Variants in HAO1 observed in about 807,000 individuals in gnomAD.
HAO1 encodes 2-Hydroxyacid oxidase 1.
A neutral mutation model predicts 39.7 loss-of-function variants in HAO1; 34 were observed. That is an observed-to-expected ratio of 0.86 (90% CI 0.65 to 1.14). HAO1 has a LOEUF of 1.14. HAO1 is among the 50% of genes most tolerant of loss of function. HAO1 has a pLI of 0.00. For synonymous variants in HAO1, 172 were observed against 173.2 expected (o/e 0.99, Z 0.05); for missense variants, 479 against 464.5 (o/e 1.03, Z -0.29).
rs150280686 is a variant in HAO1 at position 7,924,998 on chromosome 20, T to C, written c.289+9486A>G. Among the ~76,000 whole-genome samples, 156 of 152,298 alleles carry C rather than the reference T, an allele frequency of 1.0e-3. 2 individuals carry two copies. The East Asian group carries it at 0.018, about 18-fold the overall frequency. ...AGGGCCTGTCATAGTGAAGTGTTTGTATAACTGTGCACCATAATGTCCATT... is the reference window on the plus strand; with the variant it reads ...AGGGCCTGTCATAGTGAAGTGTTTGCATAACTGTGCACCATAATGTCCATT... On this transcript the variant is annotated intron_variant, in intron 2 of 7. Coordinates refer to ENST00000378789, the MANE Select transcript of HAO1 (RefSeq NM_017545.3).
At chr20:7,918,631 C>T (rs986047177) in intron 2 of HAO1, among the ~76,000 whole-genome samples, 1 of 152,138 alleles carries the variant, frequency 6.6e-6, no homozygotes, top group Non-Finnish European at 1.5e-5. Context: ...GGGCATCCAC[C>T]CTGTTAGAGC....
At chr20:7,914,126 C>T (rs2050294387) in intron 3 of HAO1, 38 bp downstream of exon 3, 1 of 1,609,418 alleles carries the variant, frequency 6.2e-7, no homozygotes, top group African/African-American at 1.3e-5. Context: ...GTCAAGATCC[C>T]TTTCGCCTCA....
In HAO1 at chr20:7,883,388, C is replaced by T; in HGVS notation, c.*205G>A. On this transcript the variant is annotated 3_prime_UTR_variant, in exon 8 of 8. Coordinates refer to ENST00000378789, the MANE Select transcript of HAO1 (RefSeq NM_017545.3). ...TTAATATATTTCCAGGATGAAAGTCCATTTCTTTCTAAAAGGTTCCTAGGA... is the reference window on the plus strand; with the variant it reads ...TTAATATATTTCCAGGATGAAAGTCTATTTCTTTCTAAAAGGTTCCTAGGA... 3.6e-6 allele frequency: 2 copies of T among 548,130 alleles called. No individual in the cohort carries two copies. The highest frequency in any genetic ancestry group is 6.5e-6 in the Non-Finnish European group (2 of 305,694). 34.0% of individuals were successfully genotyped at this position (548,130 alleles called of 1,614,324 possible).
chr20:7,906,893 C>T (rs746617359), intron 3 of HAO1, among the ~76,000 whole-genome samples: 3 of 152,194 alleles, frequency 2.0e-5, no homozygotes, highest in Non-Finnish European at 4.4e-5. Context: ...AACTGGGTCC[C>T]TTGACTTCAT....
chr20:7,912,927 A>G (rs2050286939), intron 3 of HAO1, among the ~76,000 whole-genome samples: 1 of 152,210 alleles, frequency 6.6e-6, no homozygotes, highest in Non-Finnish European at 1.5e-5. Flanking sequence ...TTTTATGCAC[A>G]GTAGTTTATT....
At chr20:7,917,312 C>T (rs1350908664) in intron 2 of HAO1, among the ~76,000 whole-genome samples, 1 of 147,628 alleles carries the variant, frequency 6.8e-6, no homozygotes, top group East Asian at 2.0e-4. Flanking sequence ...TGTACTCCAG[C>T]CTGGATGACA....
chr20:7,914,998 TA>T (rs1206135524), intron 2 of HAO1, among the ~76,000 whole-genome samples: 1 of 152,126 alleles, frequency 6.6e-6, no homozygotes, highest in Non-Finnish European at 1.5e-5. Flanking sequence ...TGGGCGCCTG[TA>T]GTCCCAGCTA....
At chr20:7,898,320 A>G (rs2050206544) in intron 4 of HAO1, among the ~76,000 whole-genome samples, 1 of 152,154 alleles carries the variant, frequency 6.6e-6, no homozygotes, top group Non-Finnish European at 1.5e-5. Context: ...CTGAAAGCCT[A>G]TCTCAAGGTA....
At chr20:7,893,859 G>A (rs2050184942) in intron 5 of HAO1, among the ~76,000 whole-genome samples, 1 of 152,136 alleles carries the variant, frequency 6.6e-6, no homozygotes, top group Admixed American at 6.5e-5. Flanking sequence ...TCCCCGTCTT[G>A]ATAAATTGGC....
At chr20:7,919,955 C>T (rs991902679) in intron 2 of HAO1, among the ~76,000 whole-genome samples, 1 of 152,056 alleles carries the variant, frequency 6.6e-6, no homozygotes, top group African/African-American at 2.4e-5. Flanking sequence ...ATGTTTTGAT[C>T]TATGTATACA....
At chr20:7,923,407 T>C (rs779069134) in intron 2 of HAO1, among the ~76,000 whole-genome samples, 5 of 152,142 alleles carry the variant, frequency 3.3e-5, no homozygotes, top group Non-Finnish European at 7.4e-5. Context: ...GAAGCAAAAA[T>C]AGGAAATCCA....
chr20:7,906,360 T>A (rs775594099), intron 3 of HAO1, 31 bp from the exon 4 acceptor site: 1 of 1,323,270 alleles, frequency 7.6e-7, no homozygotes, highest in Non-Finnish European at 1.1e-6. Context: ...AATGAGAAAT[T>A]TGCCAAATTA....
chr20:7,921,301 G>T (rs2050331349), intron 2 of HAO1, among the ~76,000 whole-genome samples: 1 of 152,028 alleles, frequency 6.6e-6, no homozygotes, highest in Admixed American at 6.6e-5. Context: ...AAGGACATTT[G>T]CAGATACTTC....
chr20:7,940,344 A>G lies in HAO1; in HGVS notation c.79T>C (p.Tyr27His), dbSNP rs753091284. 6.2e-7 allele frequency: 1 copy of G among 1,611,764 alleles called. No individual in the cohort carries two copies. Among genetic ancestry groups the G allele is most frequent in the Non-Finnish European group, 8.5e-7 (1 of 1,178,446 alleles). The change falls in exon 1 of 8, where the codon TAC becomes CAC. Residue 27 changes from tyrosine to histidine, a missense_variant. Physicochemically the swap from Tyr to His is moderately conservative, Grantham distance 83. Coordinates refer to ENST00000378789, the MANE Select transcript of HAO1 (RefSeq NM_017545.3). ...SVLPKSIYDY[Y>H]RSGANDEETL... ...TCTTCATCATTTGCCCCAGACCTGT[A>G]ATAGTCATATATAGACTTTGGAAGT...
rs1488600763 is a variant in HAO1 at position 7,940,379 on chromosome 20, G to A, written c.44C>T (p.Ala15Val). 5 of 1,611,860 alleles carry A rather than the reference G, an allele frequency of 3.1e-6. No individual in the cohort carries two copies. The Admixed American group carries it at 5.0e-5, about 16-fold the overall frequency. The change falls in exon 1 of 8, where the codon GCT (alanine) becomes GTT (valine). Residue 15 changes from alanine (A) to valine (V), a missense_variant. Transcript: ENST00000378789. ...TATAGACTTTGGAAGTACTGATTTA[G>A]CATGTTGTTCATAATCATTGATACA... ...LICINDYEQH[A>V]KSVLPKSIYD...
At chr20:7,937,148 G>A (rs2254801) in intron 1 of HAO1, among the ~76,000 whole-genome samples, 87,468 of 151,892 alleles carry the variant, frequency 0.58, 29,095 homozygotes, top group East Asian at 0.99. Context: ...ACATCTAACA[G>A]GGGCCTCAAA....
chr20:7,929,896 C>T (rs1446637663), intron 2 of HAO1, among the ~76,000 whole-genome samples: 2 of 152,172 alleles, frequency 1.3e-5, no homozygotes, highest in Admixed American at 1.3e-4. Flanking sequence ...TTCTCGGTCC[C>T]AGTTAATAAG....
chr20:7,892,413 T>C (rs2050178359), intron 5 of HAO1, among the ~76,000 whole-genome samples: 1 of 152,176 alleles, frequency 6.6e-6, no homozygotes, highest in African/African-American at 2.4e-5. Flanking sequence ...AAGACTTACT[T>C]GGTTCCTACC....
At chr20:7,903,901 GGCA>G (rs1352326299) in intron 4 of HAO1, among the ~76,000 whole-genome samples, 2 of 150,962 alleles carry the variant, frequency 1.3e-5, no homozygotes, top group South Asian at 2.1e-4. Context: ...TGGTGGTGGT[GGCA>G]GTGGTCCTAG....
Sources: gnomAD v4.1 joint callset for allele counts (sites outside exome capture counted in the v4.1 genomes callset) on GRCh38, gnomAD v4.1.1 for gene constraint, MANE v1.5 for transcripts, NCBI Gene and HGNC (gene_info 2026-07-23, HGNC 2026-07-21) for gene names.